The following NR3C2 variants were observed in gnomAD, a reference collection of about 807,000 sequenced individuals.
The protein encoded by NR3C2 is mineralocorticoid receptor.
NR3C2 carries 15 observed loss-of-function variants against 86.4 expected under a neutral mutation model. The observed-to-expected ratio is 0.17, with a 90% CI of 0.12 to 0.27. The LOEUF (loss-of-function observed/expected upper bound fraction) is 0.27. Among genes scored for constraint, NR3C2 ranks in the 10% least tolerant of loss-of-function variants. The pLI is 1.00. For missense variants in NR3C2, 960 were observed against 1,195.6 expected, an observed-to-expected ratio of 0.80 and a Z score of 2.91; for synonymous variants, 458 against 450.5, an observed-to-expected ratio of 1.02 and a Z score of -0.21.
At chr4:148,233,656 T>A (rs1369983455) in intron 3 of NR3C2, among the ~76,000 whole-genome samples, 1 of 152,084 alleles carries the variant, frequency 6.6e-6, no homozygotes, top group Non-Finnish European at 1.5e-5. Flanking sequence ...TTCAATATGT[T>A]GTGTCTCAGG....
At chr4:148,211,854 C>T (rs932626920) in intron 3 of NR3C2, among the ~76,000 whole-genome samples, 2 of 152,088 alleles carry the variant, frequency 1.3e-5, no homozygotes, top group Admixed American at 6.5e-5. Context: ...TTTTATTATT[C>T]GTAATAATAA....
intron 8 of NR3C2, among the ~76,000 whole-genome samples, chr4:148,104,492 A>C (rs939404746): frequency 2.0e-5 from 3 of 152,120 alleles, no homozygotes; most frequent in African/African-American, 7.2e-5. Flanking sequence ...GTCAAAGAAG[A>C]AAGCAGCATA....
chr4:148,147,087 T>C (rs1002426678), intron 6 of NR3C2, among the ~76,000 whole-genome samples: 1 of 152,214 alleles, frequency 6.6e-6, no homozygotes, highest in Admixed American at 6.5e-5. Flanking sequence ...TTAATACATA[T>C]TTGAAAAGTT....
At chr4:148,175,073 A>G (rs1329460525) in intron 4 of NR3C2, among the ~76,000 whole-genome samples, 1 of 152,226 alleles carries the variant, frequency 6.6e-6, no homozygotes, top group Non-Finnish European at 1.5e-5. Context: ...AACTTGAAAC[A>G]TCGTATTCAG....
intron 2 of NR3C2, among the ~76,000 whole-genome samples, chr4:148,425,235 T>G (rs773803153): frequency 6.6e-5 from 10 of 152,188 alleles, no homozygotes; most frequent in Non-Finnish European, 1.3e-4. Context: ...ACAACAGACC[T>G]GGCACTGTTT....
rs149225847 is a variant in NR3C2, at chr4:148,343,995, T to C, written c.1758-83878A>G. ...CTAATGTTGGTGACAATTCCTGACATAGCTTTAAATTAATTGCTAAATGGC... is the reference window on the plus strand; with the variant it reads ...CTAATGTTGGTGACAATTCCTGACACAGCTTTAAATTAATTGCTAAATGGC... On this transcript the variant is annotated intron_variant, in intron 2 of 8. Transcript: ENST00000358102. Among the ~76,000 whole-genome samples, 959 of 152,228 alleles carry C rather than the reference T, an allele frequency of 6.3e-3. 8 individuals carry two copies. The highest frequency in any genetic ancestry group is 0.022 in the African/African-American group (913 of 41,548).
rs1750027134 is a variant in NR3C2 at position 148,435,786 on chromosome 4, C to T, written c.1075G>A (p.Val359Ile). ...SAGSSTLRDV[V>I]PSPDTQEKGA... Reference sequence around the variant, plus strand: ...TTCTCCTGCGTGTCTGGACTGGGAACCACATCCCGCAATGTACTGGATCCA... The same window carrying T: ...TTCTCCTGCGTGTCTGGACTGGGAATCACATCCCGCAATGTACTGGATCCA... The change falls in exon 2 of 9, where the codon GTT becomes ATT. Residue 359 changes from valine (V) to isoleucine (I), a missense_variant. Transcript: ENST00000358102. 4 of 1,614,156 alleles carry T rather than the reference C, an allele frequency of 2.5e-6. No homozygotes were observed. In the Middle Eastern group the frequency reaches 4.9e-4, roughly 200 times the overall value.
chr4:148,381,192 C>T (rs2126445080), intron 2 of NR3C2, among the ~76,000 whole-genome samples: 1 of 151,292 alleles, frequency 6.6e-6, no homozygotes, highest in South Asian at 2.1e-4. Context: ...CACACCACTG[C>T]ACTCCAGCCT....
At chr4:148,378,000 GAT>G (rs1320913902) in intron 2 of NR3C2, among the ~76,000 whole-genome samples, 3 of 152,148 alleles carry the variant, frequency 2.0e-5, no homozygotes, top group Non-Finnish European at 4.4e-5. Flanking sequence ...AGGCATGCCA[GAT>G]ATACAGGGAG....
chr4:148,337,259 G>C (rs1744540730), intron 2 of NR3C2, among the ~76,000 whole-genome samples: 1 of 152,202 alleles, frequency 6.6e-6, no homozygotes, highest in Non-Finnish European at 1.5e-5. Flanking sequence ...TCAGTGGCAT[G>C]GGAAGAGGTG....
intron 2 of NR3C2, among the ~76,000 whole-genome samples, chr4:148,310,043 G>C (rs1323990171): frequency 6.6e-6 from 1 of 151,902 alleles, no homozygotes; most frequent in Non-Finnish European, 1.5e-5. Context: ...TACTTACTAA[G>C]GTCTGTGAAT....
chr4:148,374,246 T>C (rs376132485), intron 2 of NR3C2, among the ~76,000 whole-genome samples: 11 of 152,352 alleles, frequency 7.2e-5, no homozygotes, highest in South Asian at 4.1e-4. Context: ...CCTACATTCT[T>C]TGAATATAAA....
At position 148,080,308 on chromosome 4, in the gene NR3C2, C is replaced by T. The variant is rs72648705; in HGVS notation, c.*1036G>A. On this transcript the variant is annotated 3_prime_UTR_variant, in exon 9 of 9. Coordinates refer to ENST00000358102, the MANE Select transcript of NR3C2 (RefSeq NM_000901.5). Reference sequence around the variant, plus strand: ...CAGAAAAAGTAGAAAGGTTTCAAGACAACCGAAGAGGTTTCAGTGTGGTTA... The same window carrying T: ...CAGAAAAAGTAGAAAGGTTTCAAGATAACCGAAGAGGTTTCAGTGTGGTTA... The T allele has an allele frequency of 3.5e-4, 53 of 152,762 alleles. No individual in the cohort carries two copies. Among genetic ancestry groups the T allele is most frequent in the African/African-American group, 1.2e-3 (50 of 41,576 alleles). 9.5% of individuals were successfully genotyped at this position (152,762 alleles called of 1,614,324 possible).
At chr4:148,218,120 G>A (rs1737639060) in intron 3 of NR3C2, among the ~76,000 whole-genome samples, 2 of 152,150 alleles carry the variant, frequency 1.3e-5, no homozygotes, top group African/African-American at 4.8e-5. Context: ...TAAGACACTA[G>A]GAGTCCAGTG....
intron 8 of NR3C2, among the ~76,000 whole-genome samples, chr4:148,097,751 GT>G (rs553156519): frequency 2.5e-3 from 258 of 102,888 alleles, no homozygotes; most frequent in Middle Eastern, 9.5e-3. Context: ...GTTTTTTTTT[GT>G]TTTTTTTTTT....
chr4:148,173,663 G>C (rs1735238464), intron 4 of NR3C2, among the ~76,000 whole-genome samples: 1 of 152,222 alleles, frequency 6.6e-6, no homozygotes, highest in Admixed American at 6.5e-5. Context: ...AAGCCAATAA[G>C]CTTATGGTAA....
intron 2 of NR3C2, among the ~76,000 whole-genome samples, chr4:148,391,866 CA>C (rs11384324): frequency 1.4e-3 from 154 of 111,670 alleles, no homozygotes; most frequent in East Asian, 3.0e-3. Flanking sequence ...GACTCCATTG[CA>C]AAAAAAAAAA....
chr4:148,349,353 T>C (rs888151644), intron 2 of NR3C2, among the ~76,000 whole-genome samples: 1 of 152,174 alleles, frequency 6.6e-6, no homozygotes, highest in African/African-American at 2.4e-5. Context: ...TTTTCTAGTT[T>C]CATTATGTCT....
intron 2 of NR3C2, among the ~76,000 whole-genome samples, chr4:148,424,882 C>T (rs1749453753): frequency 6.6e-6 from 1 of 151,946 alleles, no homozygotes; most frequent in Non-Finnish European, 1.5e-5. Flanking sequence ...GAACTGAACA[C>T]CAAAAAGAGT....
Sources: gnomAD v4.1 joint callset for allele counts (sites outside exome capture counted in the v4.1 genomes callset) on GRCh38, gnomAD v4.1.1 for gene constraint, MANE v1.5 for transcripts, NCBI Gene and HGNC (gene_info 2026-07-23, HGNC 2026-07-21) for gene names.